PCNX1: variants seen among roughly 807,000 people sequenced by gnomAD.
PCNX1 encodes the protein pecanex-like protein 1.
A neutral mutation model predicts 242.2 loss-of-function variants in PCNX1; 78 were observed. That is an observed-to-expected ratio of 0.32 (90% CI 0.27 to 0.39). The LOEUF (loss-of-function observed/expected upper bound fraction) is 0.39, where lower values mean the gene tolerates loss of function less well. Ranked by LOEUF, PCNX1 falls within the 10% of genes least tolerant of loss-of-function variation. The probability of loss-of-function intolerance (pLI) is 1.00; values close to 1 mark genes in which losing one functional copy is unlikely to be tolerated. For synonymous variants in PCNX1, 1,024 were observed against 1,032.9 expected (o/e 0.99, Z 0.17); for missense variants, 2,581 against 2,856.5 (o/e 0.90, Z 2.20).
At chr14:70,917,414 T>C (rs1277116751) in intron 1 of PCNX1, among the ~76,000 whole-genome samples, 1 of 152,216 alleles carries the variant, frequency 6.6e-6, no homozygotes, top group Non-Finnish European at 1.5e-5. Context: ...CCTTGATCCA[T>C]GGGGCTGGAG....
At chr14:70,929,083 A>G (rs1246868079) in intron 1 of PCNX1, among the ~76,000 whole-genome samples, 1 of 152,200 alleles carries the variant, frequency 6.6e-6, no homozygotes, top group African/African-American at 2.4e-5. Context: ...CATTTTTGAA[A>G]AATTTCAAAG....
Position 71,013,114 on chromosome 14 carries a change from G to C in PCNX1, c.2908G>C (p.Val970Leu). ...CCCAACAGAAGAAGCTGCCCAAAAG[G>C]TTAAACACTATTATCGCTTTTGGAT... ...YGPTEEAAQKVKHYYRFWILP... is the reference protein window; with the variant it reads ...YGPTEEAAQKLKHYYRFWILP... Residue 970 changes from valine (V) to leucine (L), a missense_variant, in exon 11 of 36, where the codon GTT becomes CTT. By Grantham distance (32) the Val-to-Leu change is conservative. Transcript: ENST00000304743. 6.2e-7 allele frequency: 1 copy of C among 1,614,098 alleles called. No individual in the cohort carries two copies. The highest frequency in any genetic ancestry group is 8.5e-7 in the Non-Finnish European group (1 of 1,180,006).
chr14:71,076,336 C>T lies in PCNX1; in HGVS notation c.5254C>T (p.His1752Tyr). The stretch of plus-strand genomic sequence containing the variant: ...TCCAAACATTGATGAAGACTATGAC[C>T]ACCGACTGGCAGGCATATCTAGGGA... ...FNPNIDEDYD[H>Y]RLAGISRESF... Residue 1752 changes from histidine (H) to tyrosine (Y), a missense_variant, in exon 28 of 36, where the codon CAC becomes TAC. Physicochemically the swap from His to Tyr is moderately conservative, Grantham distance 83 (BLOSUM62 2). Transcript: ENST00000304743. The T allele has an allele frequency of 3.1e-6, 5 of 1,613,752 alleles. No homozygotes were observed. The highest frequency in any genetic ancestry group is 4.2e-6 in the Non-Finnish European group (5 of 1,179,684).
intron 1 of PCNX1, among the ~76,000 whole-genome samples, chr14:70,921,301 G>T (rs914364994): frequency 2.0e-5 from 3 of 152,086 alleles, no homozygotes; most frequent in Non-Finnish European, 2.9e-5. Flanking sequence ...CTTGGATGGG[G>T]AATAAAGAGG....
chr14:71,062,308 G>A (rs2061345223), intron 26 of PCNX1, among the ~76,000 whole-genome samples: 3 of 152,054 alleles, frequency 2.0e-5, no homozygotes, highest in Admixed American at 2.0e-4. Context: ...GGAAGCCAGT[G>A]ATATTGATGA....
At chr14:71,068,437 T>C (rs1199236133) in intron 26 of PCNX1, among the ~76,000 whole-genome samples, 1 of 149,246 alleles carries the variant, frequency 6.7e-6, no homozygotes, top group Non-Finnish European at 1.5e-5. Context: ...TGTATATATG[T>C]ATGTATATGT....
At chr14:71,000,375 C>G (rs760160100) in intron 8 of PCNX1, among the ~76,000 whole-genome samples, 42 of 152,086 alleles carry the variant, frequency 2.8e-4, no homozygotes, top group Non-Finnish European at 5.4e-4. Flanking sequence ...TAATTTATTC[C>G]TTCCAGTCTT....
intron 1 of PCNX1, among the ~76,000 whole-genome samples, chr14:70,943,187 A>G (rs2057325333): frequency 6.6e-6 from 1 of 152,232 alleles, no homozygotes; most frequent in Admixed American, 6.5e-5. Context: ...CACTGCTGAA[A>G]AGATACCCAA....
chr14:70,921,082 A>AT (rs1166887111), intron 1 of PCNX1, among the ~76,000 whole-genome samples: 2 of 152,132 alleles, frequency 1.3e-5, no homozygotes, highest in Non-Finnish European at 2.9e-5. Flanking sequence ...TCAGTGAGTT[A>AT]TTTTTTAGCT....
intron 11 of PCNX1, 87 bp from the exon 12 acceptor site, chr14:71,018,922 C>A: frequency 3.5e-6 from 4 of 1,147,360 alleles, no homozygotes; most frequent in Non-Finnish European, 5.0e-6. Context: ...CCATGAACTT[C>A]ATATTTATGT....
intron 1 of PCNX1, among the ~76,000 whole-genome samples, chr14:70,935,002 G>GTGTC (rs6145386): frequency 0.7 from 106,563 of 151,490 alleles, 37,449 homozygotes; most frequent in South Asian, 0.77. Flanking sequence ...AGACCGGTGT[G>GTGTC]TATGCACTTT....
chr14:71,095,550 A>G (rs2062251655), intron 30 of PCNX1, among the ~76,000 whole-genome samples: 2 of 152,208 alleles, frequency 1.3e-5, no homozygotes, highest in Admixed American at 6.5e-5. Flanking sequence ...TAGTATCCCC[A>G]AAAACCAATC....
In PCNX1 at chr14:70,977,900, A is replaced by G; in HGVS notation, c.1563A>G (p.Ser521=). 6.2e-7 allele frequency: 1 copy of G among 1,614,206 alleles called. No homozygotes were observed. The highest frequency in any genetic ancestry group is 8.5e-7 in the Non-Finnish European group (1 of 1,180,040). The change falls in exon 6 of 36, where the codon TCA becomes TCG. Residue 521 remains serine (S), a synonymous_variant. Transcript: ENST00000304743. ...ACAAAGAAGAGAAGAGTGATAAGTC[A>G]GCTGTTTCTGTGGATTCCAAAGTGC... ...AENKEEKSDK[S]AVSVDSKVRK...
chr14:71,094,072 C>T (rs114380786), intron 30 of PCNX1, among the ~76,000 whole-genome samples: 2,093 of 152,212 alleles, frequency 0.014, 43 homozygotes, highest in African/African-American at 0.046. Context: ...GCACCCCAAC[C>T]CCTGCATTAT....
At chr14:71,020,741 G>C (rs1011652164) in intron 12 of PCNX1, among the ~76,000 whole-genome samples, 1 of 151,952 alleles carries the variant, frequency 6.6e-6, no homozygotes, top group African/African-American at 2.4e-5. Flanking sequence ...AGTTTCTTTT[G>C]CTGTACAGAA....
intron 7 of PCNX1, among the ~76,000 whole-genome samples, chr14:70,994,394 A>AAGATAGAT (rs1259110057): frequency 2.5e-4 from 11 of 44,748 alleles, no homozygotes; most frequent in African/African-American, 5.5e-4. Flanking sequence ...CCACAGGCTT[A>AAGATAGAT]AGATATATAT....
chr14:71,098,553 T>TGTGTGAGAGA (rs60367565), intron 30 of PCNX1, among the ~76,000 whole-genome samples: 149 of 125,726 alleles, frequency 1.2e-3, no homozygotes, highest in Non-Finnish European at 1.9e-3. Context: ...TGTGTGTGTG[T>TGTGTGAGAGA]GAGAGAGAGA....
intron 1 of PCNX1, among the ~76,000 whole-genome samples, chr14:70,936,578 C>T (rs945389259): frequency 6.6e-6 from 1 of 152,196 alleles, no homozygotes; most frequent in South Asian, 2.1e-4. Flanking sequence ...GTGAATAGTA[C>T]TGCATTAAAC....
Position 71,052,078 on chromosome 14 carries a change from A to G in PCNX1, c.4577+66A>G, listed in dbSNP as rs2061052977. 4 of 1,165,206 alleles carry G rather than the reference A, an allele frequency of 3.4e-6. No individual in the cohort carries two copies. In the South Asian group the frequency reaches 4.4e-5, roughly 13 times the overall value. 72.2% of individuals were successfully genotyped at this position (1,165,206 alleles called of 1,614,324 possible). On this transcript the variant is annotated intron_variant, in intron 24 of 35. Transcript: ENST00000304743. ...CCTACTGGGAAAAACTATTGACAGC[A>G]TTATTATTAGAATTTATGGTTCATA...
Sources: gnomAD v4.1 joint callset for allele counts (sites outside exome capture counted in the v4.1 genomes callset) on GRCh38, gnomAD v4.1.1 for gene constraint, MANE v1.5 for transcripts, NCBI Gene and HGNC (gene_info 2026-07-23, HGNC 2026-07-21) for gene names.